SDK2: variants seen among roughly 807,000 people sequenced by gnomAD.
SDK2 encodes the protein sidekick cell adhesion molecule 2, also known as protein sidekick-2.
Under a neutral mutation model 253.9 loss-of-function variants are expected in SDK2, and 105 were observed. That is an observed-to-expected ratio of 0.41 (90% CI 0.35 to 0.49). The LOEUF (loss-of-function observed/expected upper bound fraction) is 0.49. Ranked by LOEUF, SDK2 falls within the 20% of genes least tolerant of loss-of-function variation. SDK2 has a pLI of 0.06. For synonymous variants in SDK2, 1,249 were observed against 1,234.9 expected (o/e 1.01, Z -0.24); for missense variants, 2,608 against 3,003.0 (o/e 0.87, Z 3.07).
rs186453163 is a variant in SDK2, at chr17:73,354,009, T to G, written c.5594-1372A>C. On this transcript the variant is annotated intron_variant, in intron 40 of 44. Coordinates refer to ENST00000392650, the MANE Select transcript of SDK2 (RefSeq NM_001144952.2). ...AGCCACCATGCCCGGTCTTTTTCTTTTCTTTTTAGTAACAGCTGCAGGAAA... is the reference window on the plus strand; with the variant it reads ...AGCCACCATGCCCGGTCTTTTTCTTGTCTTTTTAGTAACAGCTGCAGGAAA... 2.5e-3 allele frequency among the ~76,000 whole-genome samples: 376 copies of G among 152,200 alleles called. 4 individuals carry two copies. The highest frequency in any genetic ancestry group is 8.3e-3 in the African/African-American group (343 of 41,520).
In SDK2 at chr17:73,398,112, G is replaced by A. The variant is rs763865216; in HGVS notation, c.3277C>T (p.Gln1093Ter). The change falls in exon 24 of 45, where the codon CAG becomes TAG. Residue 1093 changes from glutamine (Q) to a stop codon, truncating the protein, a stop_gained. Transcript: ENST00000392650. LOFTEE classifies it high-confidence loss of function. ...GCTGGGGCCATGTCAGGGGGTGCCT[G>A]CAGGGTCTGGATCTTTCTAGAAGGC... ...SQPSRKIQTL[Q>*]APPDMAPANV... The A allele has an allele frequency of 6.2e-7, 1 of 1,613,772 alleles. No homozygotes were observed. The highest frequency in any genetic ancestry group is 8.5e-7 in the Non-Finnish European group (1 of 1,179,870).
intron 1 of SDK2, among the ~76,000 whole-genome samples, chr17:73,582,593 G>A (rs534980212): frequency 2.0e-5 from 3 of 152,184 alleles, no homozygotes; most frequent in African/African-American, 4.8e-5. Context: ...CCAGGCTCCC[G>A]GAAGGCTCCT....
At chr17:73,458,103 T>C (rs1567784659) in intron 3 of SDK2, among the ~76,000 whole-genome samples, 1 of 152,180 alleles carries the variant, frequency 6.6e-6, no homozygotes. Flanking sequence ...CTCAGCCTCC[T>C]GAGTAGCTGG....
At chr17:73,502,489 A>C (rs989686252) in intron 2 of SDK2, among the ~76,000 whole-genome samples, 4 of 152,204 alleles carry the variant, frequency 2.6e-5, no homozygotes, top group African/African-American at 9.6e-5. Context: ...GATATATTCA[A>C]AGGACCCATG....
intron 2 of SDK2, among the ~76,000 whole-genome samples, chr17:73,472,777 T>A (rs575578094): frequency 6.6e-6 from 1 of 152,144 alleles, no homozygotes; most frequent in Non-Finnish European, 1.5e-5. Context: ...AGGTGGGAGA[T>A]AATTGAATCA....
At position 73,359,958 on chromosome 17, in the gene SDK2, G is replaced by A. The variant is rs539711886; in HGVS notation, c.5467+1726C>T. 2.0e-5 allele frequency among the ~76,000 whole-genome samples: 3 copies of A among 152,216 alleles called. No individual in the cohort carries two copies. The South Asian group carries it at 6.2e-4, about 32-fold the overall frequency. On this transcript the variant is annotated intron_variant, in intron 39 of 44. Coordinates refer to ENST00000392650, the MANE Select transcript of SDK2 (RefSeq NM_001144952.2). ...CACCCGGCTGGTTCTTTCTTTCTCAGAGTGCCCTCCACTACCTTCTCTGAA... is the reference window on the plus strand; with the variant it reads ...CACCCGGCTGGTTCTTTCTTTCTCAAAGTGCCCTCCACTACCTTCTCTGAA...
rs926423040 is a variant in SDK2 at position 73,455,299 on chromosome 17, C to T, written c.479+607G>A. ...GAACTGCTTTGTTGCTCGCCTTCTG[C>T]GGAGGTGTGGGGTGTTGGCTCCATC... On this transcript the variant is annotated intron_variant, in intron 4 of 44. Transcript: ENST00000392650. This position sits in a 1 kb window ranked among gnomAD's most constrained non-coding sequence, Gnocchi z 5.0. Among the ~76,000 whole-genome samples, 26 of 152,134 alleles carry T rather than the reference C, an allele frequency of 1.7e-4. 1 individual carries two copies. The highest frequency in any genetic ancestry group is 1.9e-4 in the East Asian group (1 of 5,180).
Position 73,366,058 on chromosome 17 carries a change from C to T in SDK2, c.5168-663G>A, listed in dbSNP as rs77386992. Among the ~76,000 whole-genome samples, 5 of 152,280 alleles carry T rather than the reference C, an allele frequency of 3.3e-5. No individual in the cohort carries two copies. In the East Asian group the frequency reaches 5.8e-4, roughly 18 times the overall value. On this transcript the variant is annotated intron_variant, in intron 37 of 44. Coordinates refer to ENST00000392650, the MANE Select transcript of SDK2 (RefSeq NM_001144952.2). ...GAAGGGCAGGAAGCGTCCCAATCTG[C>T]GGCATCCCCAGCTGGCCCAGGGAGG...
At position 73,361,158 on chromosome 17, in the gene SDK2, C is replaced by CAA. The variant is rs1255301721; in HGVS notation, c.5467+525_5467+526insTT. On this transcript the variant is annotated intron_variant, in intron 39 of 44. Coordinates refer to ENST00000392650, the MANE Select transcript of SDK2 (RefSeq NM_001144952.2). This position sits in a 1 kb window ranked among gnomAD's most constrained non-coding sequence, Gnocchi z 4.1. ...TGTCACGGCCTCCAGGGGCTTTTGTCTAAGTGCAGACTGCCAGGTCCCACC... is the reference window on the plus strand; with the variant it reads ...TGTCACGGCCTCCAGGGGCTTTTGTCAATAAGTGCAGACTGCCAGGTCCCACC... 1.3e-5 allele frequency among the ~76,000 whole-genome samples: 2 copies of CAA among 152,030 alleles called. No homozygotes were observed. The highest frequency in any genetic ancestry group is 1.3e-4 in the Admixed American group (2 of 15,270).
intron 40 of SDK2, among the ~76,000 whole-genome samples, chr17:73,353,143 T>A (rs1434261618): frequency 1.3e-5 from 2 of 151,940 alleles, no homozygotes; most frequent in South Asian, 2.1e-4. Flanking sequence ...TATTAAAATA[T>A]CTGTACTACA....
At chr17:73,538,028 C>G (rs2044806882) in intron 1 of SDK2, among the ~76,000 whole-genome samples, 1 of 152,142 alleles carries the variant, frequency 6.6e-6, no homozygotes, top group Admixed American at 6.5e-5. Flanking sequence ...TTCCATTCTG[C>G]AGATGGTAGA....
intron 2 of SDK2, 52 bp from the exon 3 acceptor site, chr17:73,472,270 C>G (rs1599599081): frequency 3.6e-6 from 5 of 1,370,752 alleles, no homozygotes; most frequent in Non-Finnish European, 4.1e-6. Context: ...TGCAGGGGTA[C>G]AGAGGTCAGA....
At position 73,431,611 on chromosome 17, in the gene SDK2, C is replaced by T. The variant is rs573893514; in HGVS notation, c.1371G>A (p.Ser457=). 8.1e-6 allele frequency: 13 copies of T among 1,613,414 alleles called. No individual in the cohort carries two copies. Among genetic ancestry groups the T allele is most frequent in the African/African-American group, 6.7e-5 (5 of 74,994 alleles). Reference sequence around the variant, plus strand: ...GTGTGGGGCTGATGAGGAGGCTGCCCGACTCCAGGGGTGTGAAGCGAGGCA... The same window carrying T: ...GTGTGGGGCTGATGAGGAGGCTGCCTGACTCCAGGGGTGTGAAGCGAGGCA... ...VQLPRFTPLE[S]GSLLISPTHI... is the part of the protein sequence containing the mutation. Residue 457 remains serine (S), a synonymous_variant, in exon 11 of 45, where the codon TCG becomes TCA. Transcript: ENST00000392650. The surrounding 1 kb of genome is among the most constrained non-coding windows in gnomAD (Gnocchi z 5.6).
intron 1 of SDK2, among the ~76,000 whole-genome samples, chr17:73,611,683 C>A (rs1284244989): frequency 2.6e-5 from 4 of 152,204 alleles, no homozygotes; most frequent in East Asian, 1.9e-4. Flanking sequence ...TGCTTCCCAG[C>A]AAGTTAGGGT....
chr17:73,586,166 CTGGATA>C (rs1567857489), intron 1 of SDK2, among the ~76,000 whole-genome samples: 1 of 152,200 alleles, frequency 6.6e-6, no homozygotes, highest in Non-Finnish European at 1.5e-5. Context: ...ATAGCAAGCA[CTGGATA>C]AGGTGTTAGC....
intron 3 of SDK2, among the ~76,000 whole-genome samples, chr17:73,464,691 C>A (rs1432594288): frequency 6.6e-6 from 1 of 152,172 alleles, no homozygotes; most frequent in Non-Finnish European, 1.5e-5. Context: ...TGATCTCCTC[C>A]TCTGTCTACA....
chr17:73,386,438 T>C lies in SDK2; in HGVS notation c.4498+7A>G, dbSNP rs2062872639. On this transcript the variant is annotated splice_region_variant and intron_variant, in intron 31 of 44. Transcript: ENST00000392650. ...GAGAGAGAGACTGCTGGGGAAGGGG[T>C]ACTGACCAGCCTGCAGGGTGGTCAG... 6.5e-7 allele frequency: 1 copy of C among 1,531,698 alleles called. No homozygotes were observed. 94.9% of individuals were successfully genotyped at this position (1,531,698 alleles called of 1,614,324 possible).
rs537417588 is a variant in SDK2, at chr17:73,383,689, C to A, written c.4705+187G>T. 1.3e-5 allele frequency among the ~76,000 whole-genome samples: 2 copies of A among 152,294 alleles called. No individual in the cohort carries two copies. The highest frequency in any genetic ancestry group is 3.9e-4 in the East Asian group (2 of 5,182). On this transcript the variant is annotated intron_variant, in intron 33 of 44. Transcript: ENST00000392650. This position sits in a 1 kb window ranked among gnomAD's most constrained non-coding sequence, Gnocchi z 4.3. ...GTGTGCCCCACAGTGACTCGGGGCC[C>A]ATAGAAGGTGCTCAGTAAATATTCA...
intron 36 of SDK2, among the ~76,000 whole-genome samples, chr17:73,377,689 T>C (rs1014118262): frequency 3.3e-5 from 5 of 150,754 alleles, no homozygotes; most frequent in African/African-American, 1.2e-4. Flanking sequence ...CTCGGCTCAC[T>C]GCAACCTCCC....
Sources: gnomAD v4.1 joint callset for allele counts (sites outside exome capture counted in the v4.1 genomes callset) on GRCh38, gnomAD v4.1.1 for gene constraint, Gnocchi (gnomAD v3.1) non-coding constraint, MANE v1.5 for transcripts, NCBI Gene and HGNC (gene_info 2026-07-23, HGNC 2026-07-21) for gene names.